Variants in CYP2A6 observed in about 807,000 individuals in gnomAD.
The protein encoded by CYP2A6 is cytochrome P450 family 2 subfamily A member 6.
A neutral mutation model predicts 42.3 loss-of-function variants in CYP2A6; 27 were observed. The ratio of observed to expected loss-of-function variants is 0.64; its 90% CI spans 0.47 to 0.88. The LOEUF (loss-of-function observed/expected upper bound fraction) is 0.88. Ranked by LOEUF, CYP2A6 falls within the 40% of genes least tolerant of loss-of-function variation. The pLI is 0.00. For missense variants in CYP2A6, 628 were observed against 646.0 expected, an observed-to-expected ratio of 0.97 and a Z score of 0.30; for synonymous variants, 238 against 246.3, an observed-to-expected ratio of 0.97 and a Z score of 0.31.
intron 5 of CYP2A6, among the ~76,000 whole-genome samples, chr19:40,846,394 C>T (rs1967100340): frequency 6.6e-6 from 1 of 150,632 alleles, no homozygotes; most frequent in African/African-American, 2.4e-5. Context: ...CTAAGTTGCA[C>T]AGGCCGGACT....
In CYP2A6 at chr19:40,848,239, T is replaced by G; in HGVS notation, c.634A>C (p.Thr212Pro). The change falls in exon 4 of 9, where the codon ACG becomes CCG. Residue 212 changes from threonine (T) to proline (P), a missense_variant. This residue lies in a region of CYP2A6 where 606 missense variants were observed against 568.1 expected (regional missense o/e 1.07). Coordinates refer to ENST00000301141, the MANE Select transcript of CYP2A6 (RefSeq NM_000762.6). ...GTTACCTGCCCCGTGGAGGTTGACG[T>G]GAACTGGAAGATTCCTAGCATCATG... Reference protein sequence around the residue: ...LRMMLGIFQFTSTSTGQLYEM... With the variant: ...LRMMLGIFQFPSTSTGQLYEM... 4.3e-6 allele frequency: 7 copies of G among 1,611,746 alleles called. No individual in the cohort carries two copies. Among genetic ancestry groups the G allele is most frequent in the Non-Finnish European group, 5.9e-6 (7 of 1,179,886 alleles).
rs1487624047 is a variant in CYP2A6, at chr19:40,847,006, G to C, written c.700C>G (p.Gln234Glu). 3.1e-6 allele frequency: 5 copies of C among 1,611,922 alleles called. No individual in the cohort carries two copies. The highest frequency in any genetic ancestry group is 4.2e-6 in the Non-Finnish European group (5 of 1,179,834). ...TGCAGCAACTGAAAGGCCTGTTGCT[G>C]TGGTCCTGGCAGGTGTTTCATCACC... The part of the protein sequence containing the change: ...SSVMKHLPGP[Q>E]QQAFQLLQGL... The change falls in exon 5 of 9, where the codon CAG becomes GAG. Residue 234 changes from glutamine to glutamate, a missense_variant. Coordinates refer to ENST00000301141, the MANE Select transcript of CYP2A6 (RefSeq NM_000762.6).
rs1967135444 is a variant in CYP2A6, at chr19:40,848,281, A to C, written c.592T>G (p.Phe198Val). The change falls in exon 4 of 9, where the codon TTC (phenylalanine) becomes GTC (valine). Residue 198 changes from phenylalanine to valine, a missense_variant. Coordinates refer to ENST00000301141, the MANE Select transcript of CYP2A6 (RefSeq NM_000762.6). ...GDRFDYKDKEFLSLLRMMLGI... is the reference protein window; with the variant it reads ...GDRFDYKDKEVLSLLRMMLGI... ...AGCATCATGCGCAACAGTGACAGGAACTCTTTGTCCTTATAGTCAAAGCGG... is the reference window on the plus strand; with the variant it reads ...AGCATCATGCGCAACAGTGACAGGACCTCTTTGTCCTTATAGTCAAAGCGG... The C allele has an allele frequency of 2.5e-6, 4 of 1,611,636 alleles. No homozygotes were observed. The highest frequency in any genetic ancestry group is 2.5e-6 in the Non-Finnish European group (3 of 1,179,910).
At chr19:40,850,217 CG>C (rs1568516896) in intron 1 of CYP2A6, 29 bp downstream of exon 1, 1 of 1,595,060 alleles carries the variant, frequency 6.3e-7, no homozygotes, top group South Asian at 1.1e-5. Context: ...GCCCCCACCC[CG>C]TGCCACCCAT....
intron 2 of CYP2A6, among the ~76,000 whole-genome samples, chr19:40,849,045 GGAGAGAGAGAGAGAGAGAGAGAGAGAGA>G (rs1164660108): frequency 4.1e-5 from 1 of 24,244 alleles, no homozygotes; most frequent in African/African-American, 2.0e-4. Flanking sequence ...AAGAGAGAGA[GGAGAGAGAGAGAGAGAGAGAGAGAGAGA>G]GAGAGAGAGA....
In CYP2A6 at chr19:40,850,436, G is replaced by T; in HGVS notation, c.-10C>A. The T allele has an allele frequency of 6.2e-7, 1 of 1,606,126 alleles. No homozygotes were observed. Among genetic ancestry groups the T allele is most frequent in the African/African-American group, 1.3e-5 (1 of 74,714 alleles). ...TCCCTGAGGCCAGCATGGTGGTAGT[G>T]GGATGATAGATGGTGACGGCTGGGG... On this transcript the variant is annotated 5_prime_UTR_variant, in exon 1 of 9. Transcript: ENST00000301141.
chr19:40,846,520 A>G (rs1406138918), intron 5 of CYP2A6, among the ~76,000 whole-genome samples: 11 of 151,060 alleles, frequency 7.3e-5, no homozygotes, highest in Admixed American at 7.2e-4. Flanking sequence ...ATTTTTTTTG[A>G]CACAGGGCCT....
intron 4 of CYP2A6, among the ~76,000 whole-genome samples, chr19:40,847,815 T>A (rs1967126491): frequency 6.6e-6 from 1 of 151,434 alleles, no homozygotes; most frequent in Admixed American, 6.6e-5. Flanking sequence ...TGGGCTGGAT[T>A]TTGCAGCACC....
rs1967114929 is a variant in CYP2A6, at chr19:40,847,067, G to A, written c.655-16C>T. The A allele has an allele frequency of 1.2e-6, 2 of 1,609,498 alleles. No individual in the cohort carries two copies. Among genetic ancestry groups the A allele is most frequent in the African/African-American group, 1.3e-5 (1 of 74,800 alleles). On this transcript the variant is annotated splice_polypyrimidine_tract_variant and intron_variant, in intron 4 of 8. Transcript: ENST00000301141. ...TCTCATAGAGCTGGGGTTGCAGAGA[G>A]AGGATGGGAAGGGAAGGACAGCTGT... is the stretch of plus-strand genomic sequence containing the variant.
At chr19:40,847,226 A>G (rs1293473851) in intron 4 of CYP2A6, among the ~76,000 whole-genome samples, 175 bp from the exon 5 acceptor site, 1 of 151,574 alleles carries the variant, frequency 6.6e-6, no homozygotes, top group Non-Finnish European at 1.5e-5. Flanking sequence ...CAGGAAGGTT[A>G]GGTACCAGGG....
chr19:40,848,018 G>A (rs562603344), intron 4 of CYP2A6, among the ~76,000 whole-genome samples: 1 of 151,746 alleles, frequency 6.6e-6, no homozygotes. Context: ...CATCTGTTGA[G>A]CTATCCAGGT....
chr19:40,845,024 A>G, intron 7 of CYP2A6: 3 of 652,606 alleles, frequency 4.6e-6, no homozygotes, highest in East Asian at 3.0e-5. Context: ...CCCTATGACA[A>G]AAGGCCGAAT....
intron 2 of CYP2A6, 107 bp from the exon 3 acceptor site, chr19:40,848,870 GGA>G: frequency 6.0e-6 from 8 of 1,326,474 alleles, no homozygotes; most frequent in Non-Finnish European, 8.2e-6. Context: ...GAGTAGGGTG[GGA>G]GAGAGATGGA....
At position 40,849,855 on chromosome 19, in the gene CYP2A6, G is replaced by T. The variant is rs779527856; in HGVS notation, c.306C>A (p.Gly102=). The T allele has an allele frequency of 6.8e-6, 11 of 1,611,188 alleles. No homozygotes were observed. In the Admixed American group the frequency reaches 1.2e-4, roughly 17 times the overall value. The change falls in exon 2 of 9, where the codon GGC becomes GGA. Residue 102 remains glycine, a synonymous_variant. Coordinates refer to ENST00000301141, the MANE Select transcript of CYP2A6 (RefSeq NM_000762.6). The stretch of plus-strand genomic sequence containing the variant: ...AGACCCAGTCGAAGGTGGCTTGCTC[G>T]CCTCGCCCGCTGAACTCCTCAGCCT... ...VDQAEEFSGR[G]EQATFDWVFK...
intron 2 of CYP2A6, among the ~76,000 whole-genome samples, chr19:40,849,472 C>A (rs1967181360): frequency 6.6e-6 from 1 of 151,048 alleles, no homozygotes; most frequent in Non-Finnish European, 1.5e-5. Flanking sequence ...CACAGAGAAG[C>A]CCAGAAGCTA....
rs778072113 is a variant in CYP2A6 at position 40,846,936 on chromosome 19, C to T, written c.770G>A (p.Arg257His). 47 of 1,612,046 alleles carry T rather than the reference C, an allele frequency of 2.9e-5. 1 individual carries two copies. In the South Asian group the frequency reaches 4.3e-4, roughly 15 times the overall value. The change falls in exon 5 of 9, where the codon CGC becomes CAC. Residue 257 changes from arginine to histidine, a missense_variant. Arg to His is a conservative substitution (Grantham distance 29). Transcript: ENST00000301141. ...CCGTGGGGAATTGGGATCCAGCGTG[C>T]GCTGGTTGTGCTCCACCTTCTTGGC... ...FIAKKVEHNQ[R>H]TLDPNSPRDF...
chr19:40,848,346 C>A lies in CYP2A6; in HGVS notation c.527G>T (p.Arg176Leu), dbSNP rs1967136600. ...GGAGCTGATGACATTGGAGACTGTG[C>A]GGCTCAGGAAGAAGGTGGGATCGAT... ...ANIDPTFFLSRTVSNVISSIV... is the reference protein window; with the variant it reads ...ANIDPTFFLSLTVSNVISSIV... Residue 176 changes from arginine to leucine, a missense_variant, in exon 4 of 9, where the codon CGC becomes CTC. Physicochemically the swap from Arg to Leu is moderately radical, Grantham distance 102. This residue lies in a region of CYP2A6 where 606 missense variants were observed against 568.1 expected (regional missense o/e 1.07). Transcript: ENST00000301141. 6.2e-7 allele frequency: 1 copy of A among 1,611,710 alleles called. No individual in the cohort carries two copies. Among genetic ancestry groups the A allele is most frequent in the Admixed American group, 1.7e-5 (1 of 59,944 alleles).
rs778526004 is a variant in CYP2A6, at chr19:40,843,798, AG to A, written c.1482del (p.Ter495GlufsTer77). The A allele has an allele frequency of 1.4e-5, 23 of 1,606,322 alleles. No individual in the cohort carries two copies. In the South Asian group the frequency reaches 2.5e-4, roughly 18 times the overall value. On this transcript the variant is annotated frameshift_variant, in exon 9 of 9. Transcript: ENST00000301141. LOFTEE classifies it high-confidence loss of function. ...ACCTGCACCGGCACAGCCCTCGCTC[AG>A]CGGGGCAGGAAGCTCATGGTGTAGT... ...PRNYTMSFLPR is the reference protein window; with the variant it reads ...PRNYTMSFLPX
chr19:40,845,917 G>A (rs756773230), intron 6 of CYP2A6, 39 bp downstream of exon 6: 1 of 1,598,598 alleles, frequency 6.3e-7, no homozygotes, highest in Non-Finnish European at 8.5e-7. Flanking sequence ...GAATTTTGAG[G>A]GTCTGGGGCC....
Sources: allele counts gnomAD v4.1 joint callset (sites outside exome capture counted in the v4.1 genomes callset), GRCh38; gene constraint gnomAD v4.1.1; regional missense constraint gnomAD v4.1.1; transcripts MANE v1.5; gene names NCBI Gene and HGNC (gene_info 2026-07-23, HGNC 2026-07-21).